SMOC2: variants seen among roughly 807,000 people sequenced by gnomAD.
The protein encoded by SMOC2 is SPARC related modular calcium binding 2.
In SMOC2, 39 loss-of-function variants were observed where a neutral mutation model predicts 61.4. The observed-to-expected ratio is 0.64, with a 90% CI of 0.49 to 0.83. The LOEUF is 0.83. Ranked by LOEUF, SMOC2 falls within the 40% of genes least tolerant of loss-of-function variation. SMOC2 has a pLI of 0.00. For synonymous variants in SMOC2, 247 were observed against 239.9 expected (o/e 1.03, Z -0.27); for missense variants, 556 against 592.9 (o/e 0.94, Z 0.65).
chr6:168,509,840 A>G, intron 1 of SMOC2, 75 bp from the exon 2 acceptor site: 1 of 1,450,394 alleles, frequency 6.9e-7, no homozygotes, highest in Non-Finnish European at 9.3e-7. Flanking sequence ...AAGTGGCCTG[A>G]GGCAGCCTTC....
intron 7 of SMOC2, among the ~76,000 whole-genome samples, chr6:168,576,642 A>G (rs992984534): frequency 9.9e-5 from 15 of 152,032 alleles, no homozygotes; most frequent in African/African-American, 3.6e-4. Context: ...GGAACCCCCA[A>G]CCACAAGGAG....
intron 5 of SMOC2, among the ~76,000 whole-genome samples, chr6:168,546,051 T>C (rs758444164): frequency 1.3e-5 from 2 of 151,764 alleles, no homozygotes; most frequent in Non-Finnish European, 2.9e-5. Flanking sequence ...TTTGAGAGAT[T>C]GCTCAATGTT....
At chr6:168,566,937 G>T (rs1011788629) in intron 7 of SMOC2, among the ~76,000 whole-genome samples, 1 of 152,258 alleles carries the variant, frequency 6.6e-6, no homozygotes, top group Admixed American at 6.5e-5. Flanking sequence ...AATGATACAC[G>T]GAAAATAGGA....
At chr6:168,479,979 G>A (rs1170703229) in intron 1 of SMOC2, among the ~76,000 whole-genome samples, 2 of 152,112 alleles carry the variant, frequency 1.3e-5, no homozygotes, top group African/African-American at 4.8e-5. Flanking sequence ...ATTAGAAAGT[G>A]ACCACACATG....
chr6:168,443,437 A>G (rs1459785252), intron 1 of SMOC2, among the ~76,000 whole-genome samples: 3 of 152,150 alleles, frequency 2.0e-5, no homozygotes, highest in Non-Finnish European at 2.9e-5. Context: ...CTGATACCCC[A>G]CGTGGGCTTT....
chr6:168,591,180 A>G (rs2115172978), intron 7 of SMOC2, among the ~76,000 whole-genome samples: 1 of 152,382 alleles, frequency 6.6e-6, no homozygotes, highest in East Asian at 1.9e-4. Flanking sequence ...TTAATGAGAC[A>G]ATATGGAGGA....
rs530942976 is a variant in SMOC2 at position 168,452,697 on chromosome 6, T to C, written c.84+11243T>C. ...TTTGAAAAATCATTAGCAGCTGTCA[T>C]TTAGATTTGTACACCATTCCTAGTC... On this transcript the variant is annotated intron_variant, in intron 1 of 12. Transcript: ENST00000356284. The surrounding 1 kb of genome is among the most constrained non-coding windows in gnomAD (Gnocchi z 5.0). Among the ~76,000 whole-genome samples, 4 of 152,368 alleles carry C rather than the reference T, an allele frequency of 2.6e-5. No homozygotes were observed. The highest frequency in any genetic ancestry group is 7.2e-5 in the African/African-American group (3 of 41,588).
intron 9 of SMOC2, among the ~76,000 whole-genome samples, chr6:168,632,353 GA>G (rs963742622): frequency 5.2e-4 from 79 of 152,314 alleles, no homozygotes; most frequent in African/African-American, 1.9e-3. Flanking sequence ...TGCTATCTTT[GA>G]CAAATTTTTG....
intron 9 of SMOC2, among the ~76,000 whole-genome samples, chr6:168,621,420 G>C (rs1786242237): frequency 6.6e-6 from 1 of 152,150 alleles, no homozygotes; most frequent in Admixed American, 6.5e-5. Context: ...CTACTTTTTG[G>C]AGCAGTCTTT....
intron 1 of SMOC2, among the ~76,000 whole-genome samples, chr6:168,464,581 A>G (rs1289485557): frequency 2.0e-5 from 3 of 151,000 alleles, no homozygotes; most frequent in Admixed American, 6.6e-5. Flanking sequence ...TTTTTTTAAC[A>G]TACTTTCTGC....
chr6:168,664,674 C>T (rs1369431055), intron 12 of SMOC2: 3 of 469,462 alleles, frequency 6.4e-6, no homozygotes, highest in African/African-American at 4.0e-5. Flanking sequence ...CTTTCGGCTC[C>T]TGCTGTGTGT....
At chr6:168,648,511 C>T (rs997690594) in intron 9 of SMOC2, among the ~76,000 whole-genome samples, 16 of 152,228 alleles carry the variant, frequency 1.1e-4, no homozygotes, top group Non-Finnish European at 1.9e-4. Context: ...GAGCCGAGGC[C>T]GGGTGGGCTG....
At chr6:168,495,542 T>C (rs891532317) in intron 1 of SMOC2, among the ~76,000 whole-genome samples, 4 of 152,334 alleles carry the variant, frequency 2.6e-5, no homozygotes, top group African/African-American at 7.2e-5. Flanking sequence ...AATGAGTGTG[T>C]GTTTGCTGTG....
chr6:168,459,600 G>T (rs1781671680), intron 1 of SMOC2, among the ~76,000 whole-genome samples: 1 of 110,624 alleles, frequency 9.0e-6, no homozygotes, highest in East Asian at 3.1e-4. Context: ...GGGTGGGTGA[G>T]CACTGGGGTG....
At chr6:168,486,380 A>C (rs1046863386) in intron 1 of SMOC2, among the ~76,000 whole-genome samples, 2 of 151,988 alleles carry the variant, frequency 1.3e-5, no homozygotes, top group African/African-American at 4.8e-5. Flanking sequence ...GAAGCTTTGC[A>C]CTCCAACATT....
At chr6:168,518,655 GTGTA>G (rs1323471987) in intron 2 of SMOC2, among the ~76,000 whole-genome samples, 8 of 151,094 alleles carry the variant, frequency 5.3e-5, no homozygotes, top group East Asian at 2.0e-4. Context: ...TTGTGTGGGT[GTGTA>G]TGTATGGAGA....
intron 7 of SMOC2, among the ~76,000 whole-genome samples, chr6:168,549,669 T>C (rs113776959): frequency 0.035 from 5,306 of 152,248 alleles, 130 homozygotes; most frequent in Non-Finnish European, 0.053. Flanking sequence ...AGTGGACCCA[T>C]GACATCAAAA....
At chr6:168,488,273 G>A (rs747933552) in intron 1 of SMOC2, among the ~76,000 whole-genome samples, 3 of 152,174 alleles carry the variant, frequency 2.0e-5, no homozygotes, top group Non-Finnish European at 4.4e-5. Flanking sequence ...TCCCATGGCC[G>A]CTTCCCCCCA....
intron 1 of SMOC2, among the ~76,000 whole-genome samples, chr6:168,467,940 T>C (rs549069122): frequency 4.6e-5 from 7 of 152,246 alleles, no homozygotes; most frequent in African/African-American, 1.4e-4. Context: ...GTACATATTG[T>C]ATAGTTTTGT....
Sources: gnomAD v4.1 joint callset for allele counts (sites outside exome capture counted in the v4.1 genomes callset) on GRCh38, gnomAD v4.1.1 for gene constraint, Gnocchi (gnomAD v3.1) non-coding constraint, MANE v1.5 for transcripts, NCBI Gene and HGNC (gene_info 2026-07-23, HGNC 2026-07-21) for gene names.